Variants in GRID2 observed in about 807,000 individuals in gnomAD.
The protein encoded by GRID2 is glutamate ionotropic receptor delta type subunit 2, also known as glutamate receptor ionotropic, delta-2.
A neutral mutation model predicts 114.8 loss-of-function variants in GRID2; 33 were observed. The observed-to-expected ratio is 0.29, with a 90% CI of 0.22 to 0.38. The LOEUF (loss-of-function observed/expected upper bound fraction) is 0.38. Among genes scored for constraint, GRID2 ranks in the 10% least tolerant of loss-of-function variants. The probability of loss-of-function intolerance (pLI) is 1.00; values close to 1 mark genes in which losing one functional copy is unlikely to be tolerated. For synonymous variants in GRID2, 505 were observed against 449.9 expected, an observed-to-expected ratio of 1.12 and a Z score of -1.55; for missense variants, 1,184 against 1,257.7, an observed-to-expected ratio of 0.94 and a Z score of 0.89.
At chr4:93,293,856 GACCCCAA>G (rs962122363) in intron 8 of GRID2, among the ~76,000 whole-genome samples, 1 of 152,092 alleles carries the variant, frequency 6.6e-6, no homozygotes, top group Non-Finnish European at 1.5e-5. Flanking sequence ...CACTGTACTA[GACCCCAA>G]ATGATATGGC....
intron 14 of GRID2, among the ~76,000 whole-genome samples, chr4:93,754,981 T>G (rs1373934162): frequency 1.3e-5 from 2 of 152,166 alleles, no homozygotes; most frequent in Non-Finnish European, 2.9e-5. Context: ...CTTCTCTGAG[T>G]TATTGAAGCA....
intron 14 of GRID2, among the ~76,000 whole-genome samples, chr4:93,731,385 A>G (rs752248747): frequency 2.0e-5 from 3 of 152,146 alleles, no homozygotes; most frequent in African/African-American, 7.2e-5. Context: ...GGCAAGGGAG[A>G]GCGGACAGGA....
At chr4:93,470,888 G>T (rs4692983) in intron 11 of GRID2, among the ~76,000 whole-genome samples, 108,367 of 151,850 alleles carry the variant, frequency 0.71, 38,987 homozygotes, top group African/African-American at 0.81. Flanking sequence ...ATAGTACATT[G>T]TTATATTTTC....
chr4:93,361,052 G>T (rs1761836345), intron 8 of GRID2, among the ~76,000 whole-genome samples: 1 of 151,494 alleles, frequency 6.6e-6, no homozygotes. Flanking sequence ...TTGCTATACT[G>T]GCTTCTTTTT....
chr4:92,427,320 GATGA>G (rs1457100468), intron 1 of GRID2, among the ~76,000 whole-genome samples: 1 of 151,990 alleles, frequency 6.6e-6, no homozygotes, highest in Non-Finnish European at 1.5e-5. Context: ...AATATATTTT[GATGA>G]ATGAATGAAT....
intron 10 of GRID2, among the ~76,000 whole-genome samples, chr4:93,434,386 A>T (rs1720864486): frequency 3.9e-5 from 6 of 152,136 alleles, no homozygotes; most frequent in Admixed American, 3.9e-4. Flanking sequence ...CCAACATGGC[A>T]CATGTATACA....
At chr4:92,831,540 C>A (rs1452001901) in intron 2 of GRID2, among the ~76,000 whole-genome samples, 1 of 149,310 alleles carries the variant, frequency 6.7e-6, no homozygotes, top group Non-Finnish European at 1.5e-5. Flanking sequence ...AGTTAACTGG[C>A]AGAAAGCTTA....
chr4:93,464,609 T>C (rs1228189467), intron 11 of GRID2, among the ~76,000 whole-genome samples: 9 of 152,220 alleles, frequency 5.9e-5, no homozygotes, highest in Non-Finnish European at 1.5e-5. Context: ...CAATGTTTAA[T>C]AGAGAAGTAT....
intron 7 of GRID2, among the ~76,000 whole-genome samples, chr4:93,227,001 A>G: frequency 6.6e-6 from 1 of 152,144 alleles, no homozygotes; most frequent in African/African-American, 2.4e-5. Flanking sequence ...TAAGGGGAGA[A>G]GAGTTGCTAG....
At chr4:93,314,034 A>T (rs1756305618) in intron 8 of GRID2, among the ~76,000 whole-genome samples, 1 of 152,074 alleles carries the variant, frequency 6.6e-6, no homozygotes, top group South Asian at 2.1e-4. Flanking sequence ...GCCAGGCACA[A>T]TGGCTCACGC....
intron 1 of GRID2, among the ~76,000 whole-genome samples, chr4:92,447,516 A>T (rs1283582462): frequency 6.6e-6 from 1 of 152,128 alleles, no homozygotes; most frequent in Non-Finnish European, 1.5e-5. Flanking sequence ...CAGTTCTATT[A>T]TTTTCCTATC....
At chr4:93,019,985 A>G (rs1723130396) in intron 2 of GRID2, among the ~76,000 whole-genome samples, 1 of 152,198 alleles carries the variant, frequency 6.6e-6, no homozygotes, top group Non-Finnish European at 1.5e-5. Context: ...CTGTGTTCAG[A>G]TTCTTCATTC....
At chr4:93,088,470 T>A (rs1730513992) in intron 3 of GRID2, among the ~76,000 whole-genome samples, 1 of 152,058 alleles carries the variant, frequency 6.6e-6, no homozygotes, top group African/African-American at 2.4e-5. Flanking sequence ...GAGAAAATAG[T>A]GGATTAAGTG....
chr4:92,683,822 T>A (rs12505583), intron 2 of GRID2, among the ~76,000 whole-genome samples: 40,204 of 151,630 alleles, frequency 0.27, 5,551 homozygotes, highest in East Asian at 0.43. Flanking sequence ...ATAATCTTTC[T>A]TAATTTTTAA....
At position 93,797,978 on chromosome 4, in the gene GRID2, C is replaced by T. The variant is rs991882811; in HGVS notation, c.222-8737C>T. ...GACCAGCCTGACCAACATGTCAAAA[C>T]CCCGTCTCTACTAAAAATACAAAAA... is the stretch of plus-strand genomic sequence containing the variant. On this transcript the variant is annotated intron_variant, in intron 1 of 1. Transcript: ENST00000637838. Among the ~76,000 whole-genome samples the T allele has an allele frequency of 3.3e-5, 5 of 151,770 alleles. No individual in the cohort carries two copies. In the East Asian group the frequency reaches 7.7e-4, roughly 23 times the overall value.
At chr4:92,740,679 AGATAGATAGAT>A (rs1341436930) in intron 2 of GRID2, among the ~76,000 whole-genome samples, 1 of 78,786 alleles carries the variant, frequency 1.3e-5, no homozygotes, top group South Asian at 5.3e-4. Context: ...CTGCATAGAT[AGATAGATAGAT>A]GATAGATAGA....
intron 2 of GRID2, among the ~76,000 whole-genome samples, chr4:92,934,274 T>C (rs1750466072): frequency 1.3e-5 from 2 of 151,972 alleles, no homozygotes; most frequent in Admixed American, 1.3e-4. Flanking sequence ...GATTCCTAGG[T>C]ATTTTATTCT....
At chr4:93,408,900 A>T (rs955066608) in intron 9 of GRID2, among the ~76,000 whole-genome samples, 7 of 152,156 alleles carry the variant, frequency 4.6e-5, no homozygotes, top group Admixed American at 3.3e-4. Context: ...AGAAAAAGGT[A>T]CATCCCTCAG....
At chr4:93,301,997 TA>T (rs1754922851) in intron 8 of GRID2, among the ~76,000 whole-genome samples, 1 of 152,100 alleles carries the variant, frequency 6.6e-6, no homozygotes, top group Admixed American at 6.6e-5. Flanking sequence ...TGTAATCTAG[TA>T]AAGATAATTA....
Sources: allele counts gnomAD v4.1 joint callset (sites outside exome capture counted in the v4.1 genomes callset), GRCh38; gene constraint gnomAD v4.1.1; transcripts MANE v1.5; gene names NCBI Gene and HGNC (gene_info 2026-07-23, HGNC 2026-07-21).